MRPS14: variants seen among roughly 807,000 people sequenced by gnomAD.
The protein encoded by MRPS14 is mitochondrial ribosomal protein S14, also known as small ribosomal subunit protein uS14m.
A neutral mutation model predicts 16.4 loss-of-function variants in MRPS14; 14 were observed. The observed-to-expected ratio is 0.85, with a 90% CI of 0.56 to 1.33. MRPS14 has a LOEUF of 1.33. Ranked by LOEUF, MRPS14 falls within the 40% of genes most tolerant of loss-of-function variation. The pLI is 0.00. For synonymous variants in MRPS14, 54 were observed against 61.9 expected, an observed-to-expected ratio of 0.87 and a Z score of 0.60; for missense variants, 162 against 176.8, an observed-to-expected ratio of 0.92 and a Z score of 0.48.
chr1:175,016,005 C>G, intron 2 of MRPS14, among the ~76,000 whole-genome samples: 1 of 152,240 alleles, frequency 6.6e-6, no homozygotes, highest in South Asian at 2.1e-4. Flanking sequence ...CGCGACCAGC[C>G]TGACCAACAT....
At chr1:175,022,461 T>TA (rs61390024) in intron 1 of MRPS14, 2 of 143,894 alleles carry the variant, frequency 1.4e-5, no homozygotes, top group African/African-American at 2.6e-5. Context: ...TTTTTTTTTT[T>TA]AAATGTTTTT....
intron 2 of MRPS14, 45 bp downstream of exon 2, chr1:175,018,373 G>A (rs775968013): frequency 3.4e-5 from 51 of 1,521,256 alleles, no homozygotes; most frequent in Non-Finnish European, 4.4e-5. Context: ...CTGATGTTGA[G>A]TTAATGATCT....
At position 175,012,969 on chromosome 1, in the gene MRPS14, A is replaced by C. The variant is rs764189230; in HGVS notation, c.*1700T>G. 1 of 152,228 alleles carries C rather than the reference A, an allele frequency of 6.6e-6. No homozygotes were observed. The highest frequency in any genetic ancestry group is 6.5e-5 in the Admixed American group (1 of 15,282). The allele number at this position is 152,228 out of a possible 1,614,324, so 9.4% of individuals were successfully genotyped here. ...ATAATACCAACGCATTGTGGATTAG[A>C]TTTTAATGTGAATTTTGGAAGTACA... On this transcript the variant is annotated 3_prime_UTR_variant, in exon 3 of 3. Coordinates refer to ENST00000476371, the MANE Select transcript of MRPS14 (RefSeq NM_022100.3).
chr1:175,014,575 GTAGAGAT>G lies in MRPS14; in HGVS notation c.*87_*93del. On this transcript the variant is annotated 3_prime_UTR_variant, in exon 3 of 3. Coordinates refer to ENST00000476371, the MANE Select transcript of MRPS14 (RefSeq NM_022100.3). Reference sequence around the variant, plus strand: ...GGCCAAACAACTGTACTGGGCCCCTGTAGAGATTAGGGTTTGGTCTATTAAAAAAAAT... The same window carrying G: ...GGCCAAACAACTGTACTGGGCCCCTGTAGGGTTTGGTCTATTAAAAAAAAT... The G allele has an allele frequency of 1.5e-6, 2 of 1,319,386 alleles. No individual in the cohort carries two copies. Among genetic ancestry groups the G allele is most frequent in the Non-Finnish European group, 1.0e-6 (1 of 967,726 alleles). 81.7% of individuals were successfully genotyped at this position (1,319,386 alleles called of 1,614,324 possible). A position where few individuals can be genotyped will look rare whatever the true frequency, so the allele number is the denominator to read the frequency against.
intron 1 of MRPS14, among the ~76,000 whole-genome samples, chr1:175,019,925 TAGAA>T (rs567844686): frequency 3.3e-5 from 5 of 152,248 alleles, no homozygotes; most frequent in Admixed American, 2.0e-4. Flanking sequence ...ATACTATAAA[TAGAA>T]AGCCACCATT....
chr1:175,023,315 GAGATTC>G, intron 1 of MRPS14, 43 bp downstream of exon 1: 2 of 1,604,688 alleles, frequency 1.2e-6, no homozygotes, highest in Non-Finnish European at 1.7e-6. Flanking sequence ...CGTGGGTTAT[GAGATTC>G]AGCGGTGAGG....
intron 2 of MRPS14, among the ~76,000 whole-genome samples, chr1:175,017,995 G>A (rs1672914160): frequency 6.6e-6 from 1 of 152,104 alleles, no homozygotes; most frequent in Admixed American, 6.5e-5. Context: ...ATGGTGGCAT[G>A]TGCCTGTAAT....
chr1:175,014,504 C>T lies in MRPS14; in HGVS notation c.*165G>A, dbSNP rs1402539339. 1.7e-6 allele frequency: 1 copy of T among 596,548 alleles called. No homozygotes were observed. The highest frequency in any genetic ancestry group is 3.0e-5 in the South Asian group (1 of 33,644). The allele number at this position is 596,548 out of a possible 1,614,324, so 37.0% of individuals were successfully genotyped here. A position where few individuals can be genotyped will look rare whatever the true frequency, so the allele number is the denominator to read the frequency against. On this transcript the variant is annotated 3_prime_UTR_variant, in exon 3 of 3. Coordinates refer to ENST00000476371, the MANE Select transcript of MRPS14 (RefSeq NM_022100.3). ...AAAGATAATTCACTGACATGAAACA[C>T]CCAAATGTCTTCATTTTAAAAGTAG...
Position 175,014,764 on chromosome 1 carries a change from G to A in MRPS14, c.292C>T (p.Arg98Cys), listed in dbSNP as rs748241995. 6.8e-6 allele frequency: 11 copies of A among 1,613,972 alleles called. No individual in the cohort carries two copies. The African/African-American group carries it at 1.1e-4, about 16-fold the overall frequency. ...AGCCTCCAGCGCCGCTTCACACCAC[G>A]CGGACGGGACGTCATAACACACCGA... ...RNRCVMTSRP[R>C]GVKRRWRLSR... The change falls in exon 3 of 3, where the codon CGT (arginine) becomes TGT (cysteine). Residue 98 changes from arginine (R) to cysteine (C), a missense_variant. Arg to Cys is a radical substitution (Grantham distance 180). Transcript: ENST00000476371.
intron 2 of MRPS14, 115 bp downstream of exon 2, chr1:175,018,303 G>T: frequency 9.7e-7 from 1 of 1,030,378 alleles, no homozygotes; most frequent in Non-Finnish European, 1.4e-6. Flanking sequence ...TATTGATGTG[G>T]ATCTTATTCT....
chr1:175,015,844 A>G (rs1010811519), intron 2 of MRPS14, among the ~76,000 whole-genome samples: 5 of 152,234 alleles, frequency 3.3e-5, no homozygotes, highest in Admixed American at 1.3e-4. Flanking sequence ...AGTATATAAA[A>G]GCCAAAAATT....
intron 2 of MRPS14, among the ~76,000 whole-genome samples, chr1:175,015,741 TTAATC>T (rs1050795202): frequency 6.6e-5 from 10 of 152,332 alleles, no homozygotes; most frequent in African/African-American, 2.2e-4. Flanking sequence ...AATATTCACT[TTAATC>T]TGATAAGTGT....
intron 1 of MRPS14, chr1:175,023,133 C>T: frequency 2.0e-6 from 2 of 1,012,992 alleles, no homozygotes; most frequent in Non-Finnish European, 2.8e-6. Flanking sequence ...CCTTACAAAT[C>T]GGAGTCAATC....
intron 1 of MRPS14, among the ~76,000 whole-genome samples, chr1:175,022,754 T>C (rs1673003221): frequency 6.6e-6 from 1 of 151,238 alleles, no homozygotes; most frequent in Non-Finnish European, 1.5e-5. Context: ...TTTTTTTTGC[T>C]CTCCTTTACA....
chr1:175,014,825 G>A lies in MRPS14; in HGVS notation c.231C>T (p.Ala77=). 1 of 1,613,918 alleles carries A rather than the reference G, an allele frequency of 6.2e-7. No individual in the cohort carries two copies. Among genetic ancestry groups the A allele is most frequent in the Non-Finnish European group, 8.5e-7 (1 of 1,179,954 alleles). ...LQDVADEEIA[A]LPRDSCPVRI... is the part of the protein sequence containing the mutation. Reference sequence around the variant, plus strand: ...TAACAGGACAGCTATCCCGGGGGAGGGCAGCAATTTCTTCATCAGCCACAT... The same window carrying A: ...TAACAGGACAGCTATCCCGGGGGAGAGCAGCAATTTCTTCATCAGCCACAT... The change falls in exon 3 of 3, where the codon GCC becomes GCT. Residue 77 remains alanine (A), a synonymous_variant. Coordinates refer to ENST00000476371, the MANE Select transcript of MRPS14 (RefSeq NM_022100.3).
In MRPS14 at chr1:175,014,793, C is replaced by G; in HGVS notation, c.263G>C (p.Arg88Thr). 6.2e-7 allele frequency: 1 copy of G among 1,614,158 alleles called. No individual in the cohort carries two copies. Among genetic ancestry groups the G allele is most frequent in the Non-Finnish European group, 8.5e-7 (1 of 1,180,026 alleles). Residue 88 changes from arginine to threonine, a missense_variant, in exon 3 of 3, where the codon AGA (arginine) becomes ACA (threonine). By Grantham distance (71) the Arg-to-Thr change is moderately conservative (BLOSUM62 -1). Transcript: ENST00000476371. ...LPRDSCPVRI[R>T]NRCVMTSRPR... ...ACGGGACGTCATAACACACCGATTT[C>G]TGATTCTAACAGGACAGCTATCCCG...
chr1:175,013,645 T>G lies in MRPS14; in HGVS notation c.*1024A>C, dbSNP rs923489068. The G allele has an allele frequency of 6.6e-6, 1 of 152,220 alleles. No individual in the cohort carries two copies. Among genetic ancestry groups the G allele is most frequent in the Non-Finnish European group, 1.5e-5 (1 of 68,042 alleles). 9.4% of individuals were successfully genotyped at this position (152,220 alleles called of 1,614,324 possible). ...TTACCTGTATTACAAACTGATGATG[T>G]CATTCCTGTGCTTAAAACTCTGTAA... On this transcript the variant is annotated 3_prime_UTR_variant, in exon 3 of 3. Coordinates refer to ENST00000476371, the MANE Select transcript of MRPS14 (RefSeq NM_022100.3).
rs1054791326 is a variant in MRPS14 at position 175,014,496 on chromosome 1, A to G, written c.*173T>C. On this transcript the variant is annotated 3_prime_UTR_variant, in exon 3 of 3. Coordinates refer to ENST00000476371, the MANE Select transcript of MRPS14 (RefSeq NM_022100.3). ...CCAAGAGAAAAGATAATTCACTGAC[A>G]TGAAACACCCAAATGTCTTCATTTT... 3 of 568,974 alleles carry G rather than the reference A, an allele frequency of 5.3e-6. No homozygotes were observed. Among genetic ancestry groups the G allele is most frequent in the Admixed American group, 7.0e-5 (2 of 28,456 alleles). The allele number at this position is 568,974 out of a possible 1,614,324, so 35.2% of individuals were successfully genotyped here.
At position 175,014,760 on chromosome 1, in the gene MRPS14, C is replaced by G. The variant is rs1265929421; in HGVS notation, c.296G>C (p.Gly99Ala). The G allele has an allele frequency of 8.7e-6, 14 of 1,614,138 alleles. No homozygotes were observed. Among genetic ancestry groups the G allele is most frequent in the Non-Finnish European group, 1.2e-5 (14 of 1,180,028 alleles). The part of the protein sequence containing the change: ...NRCVMTSRPR[G>A]VKRRWRLSRI... ...ACTAAGCCTCCAGCGCCGCTTCACACCACGCGGACGGGACGTCATAACACA... is the reference window on the plus strand; with the variant it reads ...ACTAAGCCTCCAGCGCCGCTTCACAGCACGCGGACGGGACGTCATAACACA... The change falls in exon 3 of 3, where the codon GGT (glycine) becomes GCT (alanine). Residue 99 changes from glycine (G) to alanine (A), a missense_variant. By Grantham distance (60) the Gly-to-Ala change is moderately conservative. Coordinates refer to ENST00000476371, the MANE Select transcript of MRPS14 (RefSeq NM_022100.3).
Sources: gnomAD v4.1 joint callset for allele counts (sites outside exome capture counted in the v4.1 genomes callset) on GRCh38, gnomAD v4.1.1 for gene constraint, MANE v1.5 for transcripts, NCBI Gene and HGNC (gene_info 2026-07-23, HGNC 2026-07-21) for gene names.